Variants in ATF7IP2 observed in about 807,000 individuals in gnomAD.
ATF7IP2 encodes activating transcription factor 7 interacting protein 2, also known as activating transcription factor 7-interacting protein 2.
Under a neutral mutation model 64.2 loss-of-function variants are expected in ATF7IP2, and 42 were observed. That is an observed-to-expected ratio of 0.65 (90% CI 0.51 to 0.85). ATF7IP2 has a LOEUF of 0.85. ATF7IP2 is among the 40% of genes least tolerant of loss of function. The pLI, the probability that ATF7IP2 is intolerant of heterozygous loss-of-function variation, is 0.00. For synonymous variants in ATF7IP2, 308 were observed against 272.8 expected (o/e 1.13, Z -1.27); for missense variants, 933 against 784.2 (o/e 1.19, Z -2.27).
chr16:10,457,751 G>A (rs2049231026), intron 9 of ATF7IP2: 2 of 354,896 alleles, frequency 5.6e-6, no homozygotes, highest in Non-Finnish European at 1.0e-5. Context: ...TTGTTGTCCA[G>A]GCTGGAGTAT....
chr16:10,464,756 G>A (rs1596591700), intron 9 of ATF7IP2, among the ~76,000 whole-genome samples: 1 of 152,192 alleles, frequency 6.6e-6, no homozygotes, highest in Non-Finnish European at 1.5e-5. Flanking sequence ...GGAGTTACTA[G>A]CCACAGTATC....
intron 1 of ATF7IP2, among the ~76,000 whole-genome samples, chr16:10,410,787 G>C (rs1040054529): frequency 6.6e-6 from 1 of 152,028 alleles, no homozygotes; most frequent in Non-Finnish European, 1.5e-5. Context: ...CAGGATATCT[G>C]CTTCTTCCTG....
chr16:10,398,272 C>G (rs1041634133), intron 1 of ATF7IP2, among the ~76,000 whole-genome samples: 4 of 150,798 alleles, frequency 2.7e-5, no homozygotes, highest in African/African-American at 9.8e-5. Flanking sequence ...CCACTGCACT[C>G]TAGTCTGGGC....
At chr16:10,419,077 G>A (rs12926616) in intron 2 of ATF7IP2, among the ~76,000 whole-genome samples, 139,664 of 152,298 alleles carry the variant, frequency 0.92, 64,090 homozygotes, top group Middle Eastern at 0.96. Context: ...AAACAAGTAC[G>A]TTCATTTTTT....
At chr16:10,435,015 G>A (rs538067641) in intron 6 of ATF7IP2, among the ~76,000 whole-genome samples, 24 of 152,226 alleles carry the variant, frequency 1.6e-4, no homozygotes, top group African/African-American at 4.8e-4. Context: ...TGATCCGCCC[G>A]CCTCGGCCTC....
At chr16:10,418,126 G>C (rs541327823) in intron 2 of ATF7IP2, among the ~76,000 whole-genome samples, 1 of 152,224 alleles carries the variant, frequency 6.6e-6, no homozygotes, top group Non-Finnish European at 1.5e-5. Context: ...TGTTTCTATA[G>C]AGTATAGATT....
intron 1 of ATF7IP2, among the ~76,000 whole-genome samples, chr16:10,403,291 C>G (rs2047570917): frequency 6.6e-6 from 1 of 152,090 alleles, no homozygotes; most frequent in Non-Finnish European, 1.5e-5. Context: ...TTGTCCATAC[C>G]ATGCTGGCTA....
intron 1 of ATF7IP2, among the ~76,000 whole-genome samples, chr16:10,403,746 A>C (rs985167314): frequency 6.6e-6 from 1 of 152,232 alleles, no homozygotes; most frequent in African/African-American, 2.4e-5. Context: ...GAAATTTACC[A>C]AGGAAATAGA....
At chr16:10,388,995 G>A (rs2047266387) in intron 1 of ATF7IP2, among the ~76,000 whole-genome samples, 1 of 150,576 alleles carries the variant, frequency 6.6e-6, no homozygotes, top group Non-Finnish European at 1.5e-5. Flanking sequence ...CTGGGCGACA[G>A]AGCAAGACTG....
chr16:10,425,995 T>C (rs1224681510), intron 3 of ATF7IP2, among the ~76,000 whole-genome samples: 3 of 152,326 alleles, frequency 2.0e-5, no homozygotes, highest in Non-Finnish European at 2.9e-5. Context: ...ATTTTATTAT[T>C]TCAAAATGAA....
At chr16:10,399,549 A>G (rs962981757) in intron 1 of ATF7IP2, among the ~76,000 whole-genome samples, 19 of 152,258 alleles carry the variant, frequency 1.2e-4, no homozygotes, top group African/African-American at 1.2e-4. Flanking sequence ...CTGTATGTCT[A>G]TTTCTATACA....
intron 1 of ATF7IP2, among the ~76,000 whole-genome samples, 159 bp from the exon 2 acceptor site, chr16:10,414,415 C>T (rs1596463369): frequency 6.6e-6 from 1 of 151,800 alleles, no homozygotes; most frequent in South Asian, 2.1e-4. Flanking sequence ...TCCATTATTT[C>T]CTGAAGTTTT....
intron 8 of ATF7IP2, among the ~76,000 whole-genome samples, chr16:10,451,630 A>G (rs765823807): frequency 1.3e-5 from 2 of 151,856 alleles, no homozygotes; most frequent in South Asian, 2.1e-4. Flanking sequence ...ATACTTGTGT[A>G]TGCTTCATGA....
intron 6 of ATF7IP2, among the ~76,000 whole-genome samples, chr16:10,434,620 G>A (rs552787842): frequency 6.6e-5 from 10 of 152,246 alleles, no homozygotes; most frequent in South Asian, 2.1e-4. Flanking sequence ...GGTTTTCTTC[G>A]AAGAAGACCA....
chr16:10,408,690 T>A (rs6416635), intron 1 of ATF7IP2, among the ~76,000 whole-genome samples: 14 of 152,120 alleles, frequency 9.2e-5, no homozygotes, highest in African/African-American at 3.4e-4. Flanking sequence ...GGATTATTTG[T>A]TTTTTTTCTT....
At chr16:10,388,265 T>A (rs1207514172) in intron 1 of ATF7IP2, among the ~76,000 whole-genome samples, 1 of 152,218 alleles carries the variant, frequency 6.6e-6, no homozygotes, top group East Asian at 1.9e-4. Flanking sequence ...ATCTTCATTT[T>A]TACCAACGAT....
At chr16:10,470,817 G>T (rs1402779059) in intron 9 of ATF7IP2, among the ~76,000 whole-genome samples, 1 of 145,470 alleles carries the variant, frequency 6.9e-6, no homozygotes. Flanking sequence ...ATATATATGT[G>T]TGTGTGTATA....
intron 3 of ATF7IP2, among the ~76,000 whole-genome samples, chr16:10,421,621 G>T (rs896949559): frequency 6.6e-6 from 1 of 152,164 alleles, no homozygotes; most frequent in African/African-American, 2.4e-5. Flanking sequence ...TCTGAATTTT[G>T]TCAGGAGCTA....
At position 10,419,075 on chromosome 16, in the gene ATF7IP2, AC is replaced by A. The variant is rs552276579; in HGVS notation, c.-202-505del. 3.1e-3 allele frequency among the ~76,000 whole-genome samples: 465 copies of A among 152,314 alleles called. 3 individuals carry two copies. The highest frequency in any genetic ancestry group is 0.014 in the Middle Eastern group (4 of 294). Reference sequence around the variant, plus strand: ...TGCAGTGCAATCTTCCCAAACAAGTACGTTCATTTTTTCGGGCCAGGTCCAA... The same window carrying A: ...TGCAGTGCAATCTTCCCAAACAAGTAGTTCATTTTTTCGGGCCAGGTCCAA... On this transcript the variant is annotated intron_variant, in intron 2 of 13. Transcript: ENST00000562102.
Sources: gnomAD v4.1 joint callset for allele counts (sites outside exome capture counted in the v4.1 genomes callset) on GRCh38, gnomAD v4.1.1 for gene constraint, MANE v1.5 for transcripts, NCBI Gene and HGNC (gene_info 2026-07-23, HGNC 2026-07-21) for gene names.